Variants in WDR44 observed in about 807,000 individuals in gnomAD.
The protein encoded by WDR44 is WD repeat domain 44, also known as WD repeat-containing protein 44.
A neutral mutation model predicts 65.7 loss-of-function variants in WDR44; 9 were observed. The observed-to-expected ratio is 0.14, with a 90% CI of 0.08 to 0.24. The LOEUF (loss-of-function observed/expected upper bound fraction) is 0.24, where lower values mean the gene tolerates loss of function less well. Ranked by LOEUF, WDR44 falls within the 10% of genes least tolerant of loss-of-function variation. The pLI is 1.00. For missense variants in WDR44, 425 were observed against 670.9 expected, an observed-to-expected ratio of 0.63 and a Z score of 4.05; for synonymous variants, 220 against 235.2, an observed-to-expected ratio of 0.94 and a Z score of 0.59.
At chrX:118,408,109 C>T (rs2056982982) in intron 10 of WDR44, among the ~76,000 whole-genome samples, 1 of 112,017 alleles carries the variant, frequency 8.9e-6, no homozygotes, top group Non-Finnish European at 1.9e-5. Context: ...CCAAATGACT[C>T]ATTTTTAATA....
At chrX:118,422,592 T>C (rs773524894) in intron 12 of WDR44, among the ~76,000 whole-genome samples, 2 of 108,320 alleles carry the variant, frequency 1.8e-5, no homozygotes, top group East Asian at 5.8e-4. Flanking sequence ...CTTGGGAGGC[T>C]GGGGCAGGAG....
At chrX:118,377,924 C>T (rs1330620627) in intron 1 of WDR44, among the ~76,000 whole-genome samples, 1 of 109,203 alleles carries the variant, frequency 9.2e-6, no homozygotes, top group Non-Finnish European at 1.9e-5. Context: ...GACAGGGTCT[C>T]ACTCCGTTGA....
At chrX:118,443,149 C>A (rs1473248098) in intron 17 of WDR44, among the ~76,000 whole-genome samples, 1 of 111,766 alleles carries the variant, frequency 8.9e-6, no homozygotes, top group East Asian at 2.8e-4. Flanking sequence ...ATTTAAATTT[C>A]TAATTTGGGT....
intron 3 of WDR44, among the ~76,000 whole-genome samples, chrX:118,390,332 A>C (rs1412515342): frequency 9.0e-6 from 1 of 111,307 alleles, no homozygotes; most frequent in Non-Finnish European, 1.9e-5. Flanking sequence ...AAAATCCAGA[A>C]AAAAATGACA....
intron 4 of WDR44, 61 bp downstream of exon 4, chrX:118,393,332 C>A: frequency 8.9e-7 from 1 of 1,127,365 alleles, no homozygotes; most frequent in South Asian, 2.1e-5. Context: ...CCTGTAATCC[C>A]AGCACTTTGG....
intron 1 of WDR44, among the ~76,000 whole-genome samples, chrX:118,368,117 A>T (rs2056570059): frequency 9.0e-6 from 1 of 111,598 alleles, no homozygotes; most frequent in Non-Finnish European, 1.9e-5. Flanking sequence ...TAGCCATCTA[A>T]GAAGGTTACT....
At chrX:118,389,871 T>A (rs1237300269) in intron 3 of WDR44, among the ~76,000 whole-genome samples, 2 of 109,440 alleles carry the variant, frequency 1.8e-5, no homozygotes, top group East Asian at 2.9e-4. Context: ...TATGTCATAC[T>A]AAACTGTCTG....
intron 2 of WDR44, among the ~76,000 whole-genome samples, chrX:118,381,657 C>A (rs1264635897): frequency 9.6e-6 from 1 of 103,826 alleles, no homozygotes; most frequent in Non-Finnish European, 2.0e-5. Context: ...ACTGCAACCT[C>A]CGCCTCCTGG....
chrX:118,406,783 A>G, intron 9 of WDR44, 92 bp from the exon 10 acceptor site: 1 of 945,457 alleles, frequency 1.1e-6, no homozygotes, highest in Non-Finnish European at 1.4e-6. Context: ...TCTTCCATTT[A>G]ATGAATTTTC....
chrX:118,346,662 G>C, intron 1 of WDR44, 82 bp downstream of exon 1: 1 of 773,209 alleles, frequency 1.3e-6, no homozygotes, highest in Non-Finnish European at 1.8e-6. Context: ...ACCCCTCCCA[G>C]GTCCCGCTGT....
intron 2 of WDR44, among the ~76,000 whole-genome samples, chrX:118,383,210 T>C (rs2056734213): frequency 1.8e-5 from 2 of 111,514 alleles, no homozygotes; most frequent in African/African-American, 6.5e-5. Flanking sequence ...TCCAAGAGAG[T>C]TTTGTTAAAG....
chrX:118,361,426 A>G (rs909657678), intron 1 of WDR44, among the ~76,000 whole-genome samples: 1 of 111,846 alleles, frequency 8.9e-6, no homozygotes, highest in African/African-American at 3.2e-5. Flanking sequence ...CTTTGAAACC[A>G]CAGAAATTTA....
At position 118,411,908 on chromosome X, in the gene WDR44, C is replaced by T. The variant is rs764102081; in HGVS notation, c.1737+949C>T. On this transcript the variant is annotated intron_variant, in intron 12 of 19. Coordinates refer to ENST00000254029, the MANE Select transcript of WDR44 (RefSeq NM_019045.5). ...ACTAAACTCCTTCAACAAATGTTTT[C>T]TGAGTGCCTGCTATATGTGGCAGAC... Among the ~76,000 whole-genome samples the T allele has an allele frequency of 7.1e-5, 8 of 112,262 alleles. No homozygotes were observed. The East Asian group carries it at 2.2e-3, about 31-fold the overall frequency.
At chrX:118,438,136 G>A (rs2057269952) in intron 14 of WDR44, among the ~76,000 whole-genome samples, 1 of 111,596 alleles carries the variant, frequency 9.0e-6, no homozygotes, top group Admixed American at 9.5e-5. Context: ...TTTAGGCTGG[G>A]AGTTCAAGAC....
In WDR44 at chrX:118,392,668, C is replaced by T; in HGVS notation, c.223C>T (p.Leu75=). ...ESIIEESQKV[L]QLEDDSLDSK... Reference sequence around the variant, plus strand: ...TATTATTGAGGAGAGTCAGAAAGTACTACAGCTTGAAGATGACTCTTTGGA... The same window carrying T: ...TATTATTGAGGAGAGTCAGAAAGTATTACAGCTTGAAGATGACTCTTTGGA... The change falls in exon 4 of 20, where the codon CTA becomes TTA. Residue 75 remains leucine, a synonymous_variant. Transcript: ENST00000254029. 1 of 1,207,283 alleles carries T rather than the reference C, an allele frequency of 8.3e-7. No homozygotes were observed. The highest frequency in any genetic ancestry group is 1.1e-6 in the Non-Finnish European group (1 of 892,921).
intron 11 of WDR44, 112 bp downstream of exon 11, chrX:118,409,739 A>C: frequency 1.3e-6 from 1 of 792,286 alleles, no homozygotes; most frequent in South Asian, 3.0e-5. Context: ...TTATGATAAT[A>C]GCCAAAAACT....
intron 1 of WDR44, among the ~76,000 whole-genome samples, chrX:118,368,481 A>ATATATATATATATAT (rs1377849821): frequency 1.0e-5 from 1 of 95,291 alleles, no homozygotes; most frequent in Admixed American, 1.2e-4. Flanking sequence ...ATATATATAT[A>ATATATATATATATAT]CTTCTTGAGG....
chrX:118,357,092 A>G (rs2056467551), intron 1 of WDR44, among the ~76,000 whole-genome samples: 1 of 110,533 alleles, frequency 9.0e-6, no homozygotes, highest in Non-Finnish European at 1.9e-5. Context: ...CGGCCTCTCA[A>G]AGTGCTGGGA....
chrX:118,432,741 T>C (rs2057222585), intron 12 of WDR44, 40 bp from the exon 13 acceptor site: 3 of 1,101,733 alleles, frequency 2.7e-6, no homozygotes, highest in Admixed American at 4.5e-5. Flanking sequence ...GAAACTAGTT[T>C]TACATTGCAG....
Sources: gnomAD v4.1 joint callset for allele counts (sites outside exome capture counted in the v4.1 genomes callset) on GRCh38, gnomAD v4.1.1 for gene constraint, MANE v1.5 for transcripts, NCBI Gene and HGNC (gene_info 2026-07-23, HGNC 2026-07-21) for gene names.